The following TMEM233 variants were observed in gnomAD, a reference collection of about 807,000 sequenced individuals.
TMEM233 encodes transmembrane protein 233.
Under a neutral mutation model 11.2 loss-of-function variants are expected in TMEM233, and 6 were observed. That is an observed-to-expected ratio of 0.54 (90% CI 0.29 to 1.06). TMEM233 has a LOEUF of 1.06. TMEM233 is among the 50% of genes least tolerant of loss of function. The pLI is 0.08. For missense variants in TMEM233, 127 were observed against 144.7 expected (o/e 0.88, Z 0.63); for synonymous variants, 59 against 55.8 (o/e 1.06, Z -0.26).
chr12:119,600,411 C>T (rs1954139303), intron 1 of TMEM233, among the ~76,000 whole-genome samples: 1 of 144,326 alleles, frequency 6.9e-6, no homozygotes, highest in Non-Finnish European at 1.5e-5. Context: ...ACAGCAGAAG[C>T]TCCTTTGAGC....
At chr12:119,621,800 G>T (rs1255632843) in intron 1 of TMEM233, among the ~76,000 whole-genome samples, 1 of 152,136 alleles carries the variant, frequency 6.6e-6, no homozygotes, top group Admixed American at 6.5e-5. Context: ...ATTTAGAGAA[G>T]AAAAGATTTT....
chr12:119,631,686 G>A, intron 2 of TMEM233: 1 of 985,196 alleles, frequency 1.0e-6, no homozygotes, highest in Non-Finnish European at 1.2e-6. Flanking sequence ...GTTTAATGGT[G>A]CAGTTTTGGC....
intron 1 of TMEM233, among the ~76,000 whole-genome samples, chr12:119,617,123 A>C (rs889716359): frequency 2.6e-5 from 4 of 152,222 alleles, no homozygotes; most frequent in Admixed American, 2.6e-4. Flanking sequence ...ACTGGGTAAC[A>C]GACAGAGATT....
intron 1 of TMEM233, among the ~76,000 whole-genome samples, chr12:119,619,775 G>A (rs2136735579): frequency 6.6e-6 from 1 of 152,032 alleles, no homozygotes; most frequent in African/African-American, 2.4e-5. Flanking sequence ...TGGACATGTT[G>A]GATTGAATAT....
intron 1 of TMEM233, among the ~76,000 whole-genome samples, chr12:119,600,811 T>C (rs1219990175): frequency 1.3e-5 from 2 of 152,132 alleles, no homozygotes; most frequent in African/African-American, 2.4e-5. Context: ...AGTTACTGTT[T>C]AATGGGTATG....
At chr12:119,627,346 G>A (rs1308553859) in intron 1 of TMEM233, among the ~76,000 whole-genome samples, 1 of 152,222 alleles carries the variant, frequency 6.6e-6, no homozygotes, top group East Asian at 1.9e-4. Context: ...TAGTGTGTCA[G>A]TCCATTTTGC....
chr12:119,634,328 G>A (rs1006565355), intron 2 of TMEM233: 9 of 959,722 alleles, frequency 9.4e-6, no homozygotes, highest in Admixed American at 6.2e-5. Flanking sequence ...ATGCTGTCTC[G>A]GGGCTGGGTG....
At position 119,593,913 on chromosome 12, in the gene TMEM233, C is replaced by T; in HGVS notation, c.65C>T (p.Thr22Ile). 1.3e-6 allele frequency: 2 copies of T among 1,551,760 alleles called. No homozygotes were observed. The highest frequency in any genetic ancestry group is 1.7e-6 in the Non-Finnish European group (2 of 1,146,994). The change falls in exon 1 of 3, where the codon ACT (threonine) becomes ATT (isoleucine). Residue 22 changes from threonine (T) to isoleucine (I), a missense_variant. Thr to Ile is a moderately conservative substitution (Grantham distance 89). Coordinates refer to ENST00000426426, the MANE Select transcript of TMEM233 (RefSeq NM_001136534.3). The surrounding 1 kb of genome is among the most constrained non-coding windows in gnomAD (Gnocchi z 4.1). The stretch of plus-strand genomic sequence containing the variant: ...TTGGACAGCAGTCCCGAGGCCAACA[C>T]TGAAGATGACAAGACCGAGGAGGAC... The part of the protein sequence containing the change: ...RALDSSPEAN[T>I]EDDKTEEDVP...
In TMEM233 at chr12:119,641,739, A is replaced by C. The variant is rs1198185858; in HGVS notation, c.*1034A>C. 2.0e-5 allele frequency: 3 copies of C among 152,176 alleles called. No individual in the cohort carries two copies. The highest frequency in any genetic ancestry group is 4.8e-5 in the African/African-American group (2 of 41,438). 9.4% of individuals were successfully genotyped at this position (152,176 alleles called of 1,614,324 possible). On this transcript the variant is annotated 3_prime_UTR_variant, in exon 3 of 3. Coordinates refer to ENST00000426426, the MANE Select transcript of TMEM233 (RefSeq NM_001136534.3). ...GTGGTACACAAGATAATTTTTAAGTAGTTTCTAGGAACAACATTAAGTAAT... is the reference window on the plus strand; with the variant it reads ...GTGGTACACAAGATAATTTTTAAGTCGTTTCTAGGAACAACATTAAGTAAT...
chr12:119,636,041 T>C (rs1281052181), intron 2 of TMEM233, among the ~76,000 whole-genome samples: 1 of 152,136 alleles, frequency 6.6e-6, no homozygotes, highest in Non-Finnish European at 1.5e-5. Context: ...ATTACATCAC[T>C]GGCCATTGGT....
intron 1 of TMEM233, among the ~76,000 whole-genome samples, chr12:119,613,235 T>G (rs1373939942): frequency 6.8e-6 from 1 of 146,780 alleles, no homozygotes; most frequent in Non-Finnish European, 1.5e-5. Flanking sequence ...AAAAAAGGGC[T>G]ACAGGTTGGA....
intron 1 of TMEM233, among the ~76,000 whole-genome samples, chr12:119,603,033 C>A (rs796709630): frequency 7.9e-5 from 12 of 152,110 alleles, no homozygotes; most frequent in African/African-American, 2.9e-4. Context: ...GGCGGGTGGA[C>A]CACCTGAGTG....
intron 2 of TMEM233, among the ~76,000 whole-genome samples, chr12:119,630,467 C>T (rs1005184757): frequency 2.0e-5 from 3 of 152,172 alleles, no homozygotes; most frequent in Admixed American, 6.5e-5. Context: ...CATATGGTCC[C>T]GATCATGGTC....
chr12:119,604,333 A>G (rs1954223096), intron 1 of TMEM233, among the ~76,000 whole-genome samples: 1 of 152,178 alleles, frequency 6.6e-6, no homozygotes, highest in Non-Finnish European at 1.5e-5. Flanking sequence ...TTTCCTTTGG[A>G]GCTTTTCGGA....
At chr12:119,619,909 A>G (rs758852944) in intron 1 of TMEM233, among the ~76,000 whole-genome samples, 94 of 152,206 alleles carry the variant, frequency 6.2e-4, no homozygotes, top group South Asian at 8.3e-4. Context: ...ATAATATGTA[A>G]AAGTTTCCCA....
At chr12:119,615,412 G>A (rs1279968338) in intron 1 of TMEM233, among the ~76,000 whole-genome samples, 1 of 152,114 alleles carries the variant, frequency 6.6e-6, no homozygotes, top group Non-Finnish European at 1.5e-5. Context: ...TGGTTCTCAA[G>A]TCTAGCTGCA....
intron 2 of TMEM233, chr12:119,634,220 A>G: frequency 3.0e-6 from 3 of 985,286 alleles, no homozygotes; most frequent in Middle Eastern, 5.2e-4. Flanking sequence ...ATCTATTTCC[A>G]CAGAGGGGCT....
In TMEM233 at chr12:119,593,899, T is replaced by C. The variant is rs1245691151; in HGVS notation, c.51T>C (p.Ser17=). ...SPDFKRALDS[S]PEANTEDDKT... ...ACTTCAAGAGGGCTTTGGACAGCAG[T>C]CCCGAGGCCAACACTGAAGATGACA... The change falls in exon 1 of 3, where the codon AGT becomes AGC. Residue 17 remains serine (S), a synonymous_variant. Transcript: ENST00000426426. The surrounding 1 kb of genome is among the most constrained non-coding windows in gnomAD (Gnocchi z 4.1). The C allele has an allele frequency of 6.4e-7, 1 of 1,551,680 alleles. No homozygotes were observed. Among genetic ancestry groups the C allele is most frequent in the Non-Finnish European group, 8.7e-7 (1 of 1,146,966 alleles).
In TMEM233 at chr12:119,593,783, C is replaced by T. The variant is rs1566091872; in HGVS notation, c.-66C>T. ...TTTTCAGAGCCTCGCCACAAGCCGG[C>T]GGCCAGAGCCCCAGACCACACAGAC... On this transcript the variant is annotated 5_prime_UTR_variant, in exon 1 of 3. Coordinates refer to ENST00000426426, the MANE Select transcript of TMEM233 (RefSeq NM_001136534.3). This position sits in a 1 kb window ranked among gnomAD's most constrained non-coding sequence, Gnocchi z 4.1. 15 of 1,466,440 alleles carry T rather than the reference C, an allele frequency of 1.0e-5. No individual in the cohort carries two copies. Among genetic ancestry groups the T allele is most frequent in the Non-Finnish European group, 1.3e-5 (14 of 1,094,366 alleles). 90.8% of individuals were successfully genotyped at this position (1,466,440 alleles called of 1,614,324 possible).
Sources: gnomAD v4.1 joint callset for allele counts (sites outside exome capture counted in the v4.1 genomes callset) on GRCh38, gnomAD v4.1.1 for gene constraint, Gnocchi (gnomAD v3.1) non-coding constraint, MANE v1.5 for transcripts, NCBI Gene and HGNC (gene_info 2026-07-23, HGNC 2026-07-21) for gene names.